The following EXOC8 variants were observed in gnomAD, a reference collection of about 807,000 sequenced individuals.
EXOC8 encodes exocyst complex 84 kDa subunit.
EXOC8 carries 19 observed loss-of-function variants against 50.8 expected under a neutral mutation model. The observed-to-expected ratio is 0.37, with a 90% CI of 0.26 to 0.55. The LOEUF is 0.55. EXOC8 is among the 20% of genes least tolerant of loss of function. The probability of loss-of-function intolerance (pLI) is 0.80; values close to 1 mark genes in which losing one functional copy is unlikely to be tolerated. For missense variants in EXOC8, 781 were observed against 915.8 expected, an observed-to-expected ratio of 0.85 and a Z score of 1.90; for synonymous variants, 384 against 367.9, an observed-to-expected ratio of 1.04 and a Z score of -0.50.
Position 231,337,435 on chromosome 1 carries a change from G to C in EXOC8, c.311C>G (p.Thr104Arg). 1 of 1,609,716 alleles carries C rather than the reference G, an allele frequency of 6.2e-7. No homozygotes were observed. Among genetic ancestry groups the C allele is most frequent in the Non-Finnish European group, 8.5e-7 (1 of 1,179,856 alleles). Reference sequence around the variant, plus strand: ...GGCGGCAGCAGCGGCAGGCAGCAACGTAAGCGGGATGCTCTCCAGGCTGCT... The same window carrying C: ...GGCGGCAGCAGCGGCAGGCAGCAACCTAAGCGGGATGCTCTCCAGGCTGCT... ...QKSSLESIPL[T>R]LLPAAAAAGA... Residue 104 changes from threonine to arginine, a missense_variant, in exon 1 of 1, where the codon ACG becomes AGG. This residue lies in a region of EXOC8 where 700 missense variants were observed against 804.1 expected (regional missense o/e 0.87). Transcript: ENST00000366645. The surrounding 1 kb of genome is among the most constrained non-coding windows in gnomAD (Gnocchi z 5.9).
rs1686692247 is a variant in EXOC8 at position 231,336,926 on chromosome 1, G to A, written c.820C>T (p.Leu274=). 6.2e-7 allele frequency: 1 copy of A among 1,614,164 alleles called. No individual in the cohort carries two copies. The highest frequency in any genetic ancestry group is 8.5e-7 in the Non-Finnish European group (1 of 1,180,044). Reference sequence around the variant, plus strand: ...CTCTTGGTGTCCTCCAGCACTTCCAGCCACTCTCGTTTGATTTTAGCATTT... The same window carrying A: ...CTCTTGGTGTCCTCCAGCACTTCCAACCACTCTCGTTTGATTTTAGCATTT... ...AENAKIKREW[L]EVLEDTKRAL... The change falls in exon 1 of 1, where the codon CTG becomes TTG. Residue 274 remains leucine, a synonymous_variant. Transcript: ENST00000366645. The surrounding 1 kb of genome is among the most constrained non-coding windows in gnomAD (Gnocchi z 5.4).
chr1:231,336,265 CT>C lies in EXOC8; in HGVS notation c.1480del (p.Arg494AspfsTer29), dbSNP rs1458585354. 1 of 1,614,026 alleles carries C rather than the reference CT, an allele frequency of 6.2e-7. No homozygotes were observed. Among genetic ancestry groups the C allele is most frequent in the Non-Finnish European group, 8.5e-7 (1 of 1,180,052 alleles). ...GCYSAFVVWARSAMGMFVDAF... is the reference protein window; with the variant it reads ...GCYSAFVVWAXSAMGMFVDAF... ...ATCCACGAACATGCCCATGGCTGAT[CT>C]TGCCCAGACCACAAAGGCAGAGTAG... On this transcript the variant is annotated frameshift_variant, in exon 1 of 1. Transcript: ENST00000366645. LOFTEE classifies it high-confidence loss of function. The surrounding 1 kb of genome is among the most constrained non-coding windows in gnomAD (Gnocchi z 5.4).
chr1:231,335,331 T>A lies in EXOC8; in HGVS notation c.*237A>T, dbSNP rs1686642922. 1 of 317,184 alleles carries A rather than the reference T, an allele frequency of 3.2e-6. No individual in the cohort carries two copies. Among genetic ancestry groups the A allele is most frequent in the African/African-American group, 2.2e-5 (1 of 46,292 alleles). 19.6% of individuals were successfully genotyped at this position (317,184 alleles called of 1,614,324 possible). A position where few individuals can be genotyped will look rare whatever the true frequency, so the allele number is the denominator to read the frequency against. On this transcript the variant is annotated 3_prime_UTR_variant, in exon 1 of 1. Transcript: ENST00000366645. ...TGACCATAATTTCAGAAGAAGAGAA[T>A]TAGCATAATTTAAAAGGATAGCTAG...
rs769371935 is a variant in EXOC8, at chr1:231,335,560, C to T, written c.*8G>A. 6.3e-6 allele frequency: 10 copies of T among 1,593,684 alleles called. No homozygotes were observed. The highest frequency in any genetic ancestry group is 8.5e-6 in the Non-Finnish European group (10 of 1,171,872). On this transcript the variant is annotated 3_prime_UTR_variant, in exon 1 of 1. Coordinates refer to ENST00000366645, the MANE Select transcript of EXOC8 (RefSeq NM_175876.5). ...CTGCATATATACACATATAAACAGA[C>T]CCAAGCATTAGACCACTGATGTTGT...
At position 231,336,687 on chromosome 1, in the gene EXOC8, A is replaced by G. The variant is rs367850043; in HGVS notation, c.1059T>C (p.Phe353=). The change falls in exon 1 of 1, where the codon TTT becomes TTC. Residue 353 remains phenylalanine (F), a synonymous_variant. Coordinates refer to ENST00000366645, the MANE Select transcript of EXOC8 (RefSeq NM_175876.5). The surrounding 1 kb of genome is among the most constrained non-coding windows in gnomAD (Gnocchi z 5.4). ...DLDVCIAQRD[F]EGAVDLLDKL... Reference sequence around the variant, plus strand: ...TATCCAGCAGGTCAACCGCCCCTTCAAAGTCTCTCTGCGCAATGCAGACAT... The same window carrying G: ...TATCCAGCAGGTCAACCGCCCCTTCGAAGTCTCTCTGCGCAATGCAGACAT... 1.9e-6 allele frequency: 3 copies of G among 1,614,082 alleles called. No homozygotes were observed. The highest frequency in any genetic ancestry group is 4.5e-5 in the East Asian group (2 of 44,892).
At position 231,336,446 on chromosome 1, in the gene EXOC8, T is replaced by G; in HGVS notation, c.1300A>C (p.Asn434His). The G allele has an allele frequency of 6.2e-7, 1 of 1,613,858 alleles. No individual in the cohort carries two copies. The highest frequency in any genetic ancestry group is 8.5e-7 in the Non-Finnish European group (1 of 1,179,966). The change falls in exon 1 of 1, where the codon AAC becomes CAC. Residue 434 changes from asparagine to histidine, a missense_variant. Physicochemically the swap from Asn to His is moderately conservative, Grantham distance 68. Transcript: ENST00000366645. This position sits in a 1 kb window ranked among gnomAD's most constrained non-coding sequence, Gnocchi z 5.4. ...GCAGTATGAACAGCGGCTGCCCTGTTTCTCAAAAATAGCTCACAGGCCTTC... is the reference window on the plus strand; with the variant it reads ...GCAGTATGAACAGCGGCTGCCCTGTGTCTCAAAAATAGCTCACAGGCCTTC... Reference protein sequence around the residue: ...CTKACELFLRNRAAAVHTAIR... With the variant: ...CTKACELFLRHRAAAVHTAIR...
chr1:231,337,182 G>A lies in EXOC8; in HGVS notation c.564C>T (p.Asp188=). 5 of 1,614,086 alleles carry A rather than the reference G, an allele frequency of 3.1e-6. No individual in the cohort carries two copies. The highest frequency in any genetic ancestry group is 4.2e-6 in the Non-Finnish European group (5 of 1,180,028). Residue 188 remains aspartate, a synonymous_variant, in exon 1 of 1, where the codon GAC becomes GAT. Transcript: ENST00000366645. The surrounding 1 kb of genome is among the most constrained non-coding windows in gnomAD (Gnocchi z 5.9). ...TGTGGTCCGCATCGTATTCCACTAG[G>A]TCCCCATTGTACACCAAGTACTGTC... is the stretch of plus-strand genomic sequence containing the variant. The part of the protein sequence containing the change: ...TPGQYLVYNG[D]LVEYDADHMA...
chr1:231,335,574 C>A lies in EXOC8; in HGVS notation c.2172G>T (p.Val724=). The change falls in exon 1 of 1, where the codon GTG becomes GTT. Residue 724 remains valine (V), a synonymous_variant. Coordinates refer to ENST00000366645, the MANE Select transcript of EXOC8 (RefSeq NM_175876.5). ...IRVNPESTTS[V]V ...ATATAAACAGACCCAAGCATTAGAC[C>A]ACTGATGTTGTACTTTCAGGATTCA... is the stretch of plus-strand genomic sequence containing the variant. The A allele has an allele frequency of 1.2e-6, 2 of 1,606,298 alleles. No homozygotes were observed. Among genetic ancestry groups the A allele is most frequent in the South Asian group, 1.1e-5 (1 of 89,754 alleles).
chr1:231,335,553 A>G lies in EXOC8; in HGVS notation c.*15T>C. 6.3e-7 allele frequency: 1 copy of G among 1,586,134 alleles called. No individual in the cohort carries two copies. Among genetic ancestry groups the G allele is most frequent in the Non-Finnish European group, 8.6e-7 (1 of 1,169,158 alleles). Reference sequence around the variant, plus strand: ...TCTCTCTCTGCATATATACACATATAAACAGACCCAAGCATTAGACCACTG... The same window carrying G: ...TCTCTCTCTGCATATATACACATATGAACAGACCCAAGCATTAGACCACTG... On this transcript the variant is annotated 3_prime_UTR_variant, in exon 1 of 1. Transcript: ENST00000366645.
chr1:231,336,432 A>C lies in EXOC8; in HGVS notation c.1314T>G (p.Ala438=). Residue 438 remains alanine, a synonymous_variant, in exon 1 of 1, where the codon GCT becomes GCG. Transcript: ENST00000366645. The surrounding 1 kb of genome is among the most constrained non-coding windows in gnomAD (Gnocchi z 5.4). The part of the protein sequence containing the change: ...CELFLRNRAA[A]VHTAIRQLRI... Reference sequence around the variant, plus strand: ...GAAGCTGACGAATTGCAGTATGAACAGCGGCTGCCCTGTTTCTCAAAAATA... The same window carrying C: ...GAAGCTGACGAATTGCAGTATGAACCGCGGCTGCCCTGTTTCTCAAAAATA... 6.2e-7 allele frequency: 1 copy of C among 1,614,046 alleles called. No homozygotes were observed. Among genetic ancestry groups the C allele is most frequent in the South Asian group, 1.1e-5 (1 of 91,066 alleles).
rs1468852191 is a variant in EXOC8 at position 231,335,026 on chromosome 1, A to AG, written c.*541_*542insC. 3 of 148,598 alleles carry AG rather than the reference A, an allele frequency of 2.0e-5. No individual in the cohort carries two copies. The highest frequency in any genetic ancestry group is 2.1e-4 in the South Asian group (1 of 4,828). 9.2% of individuals were successfully genotyped at this position (148,598 alleles called of 1,614,324 possible). A position where few individuals can be genotyped will look rare whatever the true frequency, so the allele number is the denominator to read the frequency against. On this transcript the variant is annotated 3_prime_UTR_variant, in exon 1 of 1. Coordinates refer to ENST00000366645, the MANE Select transcript of EXOC8 (RefSeq NM_175876.5). ...AATATATACTGTGGGGAAAAAAAAA[A>AG]AGAAGAAAGAAAAGACTAGCCTGGG... is the stretch of plus-strand genomic sequence containing the variant.
In EXOC8 at chr1:231,334,940, G is replaced by A. The variant is rs1393756690; in HGVS notation, c.*628C>T. On this transcript the variant is annotated 3_prime_UTR_variant, in exon 1 of 1. Coordinates refer to ENST00000366645, the MANE Select transcript of EXOC8 (RefSeq NM_175876.5). ...ACCCTTTAGGAAACCTAACATTTCAGTGAACTGGGAAACTTCACAACATAA... is the reference window on the plus strand; with the variant it reads ...ACCCTTTAGGAAACCTAACATTTCAATGAACTGGGAAACTTCACAACATAA... 6.6e-6 allele frequency: 1 copy of A among 151,998 alleles called. No individual in the cohort carries two copies. Among genetic ancestry groups the A allele is most frequent in the Non-Finnish European group, 1.5e-5 (1 of 68,034 alleles). The allele number at this position is 151,998 out of a possible 1,614,324, so 9.4% of individuals were successfully genotyped here.
rs1686622077 is a variant in EXOC8 at position 231,334,405 on chromosome 1, A to G, written c.*1163T>C. On this transcript the variant is annotated 3_prime_UTR_variant, in exon 1 of 1. Transcript: ENST00000366645. Reference sequence around the variant, plus strand: ...CAGTTAAAACTTTTTTTCCATTTGCATGAAGTCTGGGTCACTATATCTCCT... The same window carrying G: ...CAGTTAAAACTTTTTTTCCATTTGCGTGAAGTCTGGGTCACTATATCTCCT... The G allele has an allele frequency of 1.3e-5, 2 of 152,214 alleles. No homozygotes were observed. The highest frequency in any genetic ancestry group is 2.4e-5 in the African/African-American group (1 of 41,446). The allele number at this position is 152,214 out of a possible 1,614,324, so 9.4% of individuals were successfully genotyped here.
At position 231,336,964 on chromosome 1, in the gene EXOC8, A is replaced by C; in HGVS notation, c.782T>G (p.Ile261Ser). 6.2e-7 allele frequency: 1 copy of C among 1,614,118 alleles called. No individual in the cohort carries two copies. The highest frequency in any genetic ancestry group is 8.5e-7 in the Non-Finnish European group (1 of 1,180,030). Residue 261 changes from isoleucine to serine, a missense_variant, in exon 1 of 1, where the codon ATT becomes AGT. Ile to Ser is a moderately radical substitution (Grantham distance 142). This residue lies in a region of EXOC8 where 700 missense variants were observed against 804.1 expected (regional missense o/e 0.87). Coordinates refer to ENST00000366645, the MANE Select transcript of EXOC8 (RefSeq NM_175876.5). This position sits in a 1 kb window ranked among gnomAD's most constrained non-coding sequence, Gnocchi z 5.4. ...FKLLMFPESR[I>S]FQAENAKIKR... Reference sequence around the variant, plus strand: ...GATTTTAGCATTTTCGGCCTGGAAAATACGGCTCTCGGGGAACATAAGCAG... The same window carrying C: ...GATTTTAGCATTTTCGGCCTGGAAACTACGGCTCTCGGGGAACATAAGCAG...
rs766543635 is a variant in EXOC8 at position 231,335,588 on chromosome 1, T to TA, written c.2157_2158insT (p.Ser720Ter). On this transcript the variant is annotated frameshift_variant, in exon 1 of 1. Coordinates refer to ENST00000366645, the MANE Select transcript of EXOC8 (RefSeq NM_175876.5). LOFTEE classifies it high-confidence loss of function. Reference sequence around the variant, plus strand: ...AAGCATTAGACCACTGATGTTGTACTTTCAGGATTCACACGAATAAGTCTA... The same window carrying TA: ...AAGCATTAGACCACTGATGTTGTACTATTCAGGATTCACACGAATAAGTCTA... The TA allele has an allele frequency of 6.2e-7, 1 of 1,610,984 alleles. No homozygotes were observed. Among genetic ancestry groups the TA allele is most frequent in the South Asian group, 1.1e-5 (1 of 90,622 alleles).
At position 231,337,456 on chromosome 1, in the gene EXOC8, C is replaced by A. The variant is rs773023680; in HGVS notation, c.290G>T (p.Ser97Ile). ...LSHLLTEQKSSLESIPLTLLP... is the reference protein window; with the variant it reads ...LSHLLTEQKSILESIPLTLLP... ...CAACGTAAGCGGGATGCTCTCCAGG[C>A]TGCTTTTCTGCTCGGTCAGCAAATG... The change falls in exon 1 of 1, where the codon AGC becomes ATC. Residue 97 changes from serine (S) to isoleucine (I), a missense_variant. Physicochemically the swap from Ser to Ile is moderately radical, Grantham distance 142. This residue lies in a region of EXOC8 where 700 missense variants were observed against 804.1 expected (regional missense o/e 0.87). Transcript: ENST00000366645. The surrounding 1 kb of genome is among the most constrained non-coding windows in gnomAD (Gnocchi z 5.9). The A allele has an allele frequency of 8.1e-6, 13 of 1,612,316 alleles. No individual in the cohort carries two copies. Among genetic ancestry groups the A allele is most frequent in the African/African-American group, 2.7e-5 (2 of 74,902 alleles).
Position 231,336,902 on chromosome 1 carries a change from T to C in EXOC8, c.844A>G (p.Arg282Gly). The C allele has an allele frequency of 6.2e-7, 1 of 1,614,144 alleles. No individual in the cohort carries two copies. Among genetic ancestry groups the C allele is most frequent in the Non-Finnish European group, 8.5e-7 (1 of 1,180,032 alleles). ...CTTCGCCTTTTCTCACTGAGGGCCC[T>C]CTTGGTGTCCTCCAGCACTTCCAGC... ...EWLEVLEDTK[R>G]ALSEKRRREQ... Residue 282 changes from arginine (R) to glycine (G), a missense_variant, in exon 1 of 1, where the codon AGG becomes GGG. By Grantham distance (125) the Arg-to-Gly change is moderately radical. Coordinates refer to ENST00000366645, the MANE Select transcript of EXOC8 (RefSeq NM_175876.5). This position sits in a 1 kb window ranked among gnomAD's most constrained non-coding sequence, Gnocchi z 5.4.
In EXOC8 at chr1:231,336,607, C is replaced by G. The variant is rs1316539389; in HGVS notation, c.1139G>C (p.Arg380Thr). The G allele has an allele frequency of 6.2e-7, 1 of 1,614,160 alleles. No homozygotes were observed. The highest frequency in any genetic ancestry group is 1.7e-5 in the Admixed American group (1 of 60,012). ...KPSPPPVKEL[R>T]AKVEERVRQL... ...TCGAACTCGCTCCTCCACTTTGGCC[C>G]TTAGTTCTTTTACAGGAGGTGGGCT... The change falls in exon 1 of 1, where the codon AGG (arginine) becomes ACG (threonine). Residue 380 changes from arginine to threonine, a missense_variant. Transcript: ENST00000366645. This position sits in a 1 kb window ranked among gnomAD's most constrained non-coding sequence, Gnocchi z 5.4.
Position 231,336,838 on chromosome 1 carries a change from T to C in EXOC8, c.908A>G (p.Gln303Arg). The C allele has an allele frequency of 1.2e-6, 2 of 1,614,126 alleles. No individual in the cohort carries two copies. Among genetic ancestry groups the C allele is most frequent in the South Asian group, 1.1e-5 (1 of 91,076 alleles). ...TGGGTTAGTGGCCTTGGAAGTCACTTGGGGTGGCCCTCGAGGGGCCGCTGC... is the reference window on the plus strand; with the variant it reads ...TGGGTTAGTGGCCTTGGAAGTCACTCGGGGTGGCCCTCGAGGGGCCGCTGC... ...EEAAAPRGPP[Q>R]VTSKATNPFE... Residue 303 changes from glutamine (Q) to arginine (R), a missense_variant, in exon 1 of 1, where the codon CAA (glutamine) becomes CGA (arginine). Coordinates refer to ENST00000366645, the MANE Select transcript of EXOC8 (RefSeq NM_175876.5). This position sits in a 1 kb window ranked among gnomAD's most constrained non-coding sequence, Gnocchi z 5.4.
Sources: allele counts gnomAD v4.1 joint callset, GRCh38; gene constraint gnomAD v4.1.1; regional missense constraint gnomAD v4.1.1; non-coding constraint Gnocchi (gnomAD v3.1); transcripts MANE v1.5; gene names NCBI Gene and HGNC (gene_info 2026-07-23, HGNC 2026-07-21).